LARGE1: variants seen among roughly 807,000 people sequenced by gnomAD.
LARGE1 encodes xylosyl- and glucuronyltransferase LARGE1.
A neutral mutation model predicts 87.6 loss-of-function variants in LARGE1; 43 were observed. That is an observed-to-expected ratio of 0.49 (90% CI 0.38 to 0.63). The LOEUF is 0.63. LARGE1 is among the 30% of genes least tolerant of loss of function. LARGE1 has a pLI of 0.00. For synonymous variants in LARGE1, 434 were observed against 394.6 expected (o/e 1.10, Z -1.18); for missense variants, 802 against 1,000.2 (o/e 0.80, Z 2.67).
intron 7 of LARGE1, among the ~76,000 whole-genome samples, chr22:33,415,815 G>C (rs1342322281): frequency 6.6e-6 from 1 of 152,180 alleles, no homozygotes; most frequent in Non-Finnish European, 1.5e-5. Context: ...AATCAAGAGG[G>C]AAGAGGATGG....
At chr22:33,729,922 G>T (rs907574898) in intron 2 of LARGE1, among the ~76,000 whole-genome samples, 1 of 152,196 alleles carries the variant, frequency 6.6e-6, no homozygotes, top group Non-Finnish European at 1.5e-5. Flanking sequence ...GAGTCTCATT[G>T]TTGGGGTATG....
chr22:33,547,534 G>A (rs371162905), intron 6 of LARGE1, among the ~76,000 whole-genome samples: 4 of 152,096 alleles, frequency 2.6e-5, no homozygotes, highest in African/African-American at 7.2e-5. Context: ...CATGGCTCAC[G>A]CCTGTAATCC....
chr22:33,454,146 C>T (rs1389453716), intron 6 of LARGE1, among the ~76,000 whole-genome samples: 1 of 152,142 alleles, frequency 6.6e-6, no homozygotes, highest in Non-Finnish European at 1.5e-5. Flanking sequence ...GGTCATGAAA[C>T]ATCTCAATTT....
At chr22:33,228,882 A>G (rs925147445) in intron 11 of LARGE1, among the ~76,000 whole-genome samples, 1 of 151,906 alleles carries the variant, frequency 6.6e-6, no homozygotes, top group Non-Finnish European at 1.5e-5. Flanking sequence ...GGAGAAAGAA[A>G]GAGAGAGAAA....
intron 6 of LARGE1, among the ~76,000 whole-genome samples, chr22:33,524,033 C>T (rs553965884): frequency 1.1e-4 from 17 of 152,218 alleles, no homozygotes; most frequent in Admixed American, 2.0e-4. Flanking sequence ...TGGTTCACGA[C>T]TGTAATCCCA....
At chr22:33,503,334 G>A (rs1337076809) in intron 6 of LARGE1, among the ~76,000 whole-genome samples, 1 of 147,624 alleles carries the variant, frequency 6.8e-6, no homozygotes, top group Admixed American at 6.8e-5. Flanking sequence ...TCGGCTCACT[G>A]CAACCTCCGC....
At chr22:33,763,046 G>C (rs139637155) in intron 1 of LARGE1, among the ~76,000 whole-genome samples, 345 of 152,310 alleles carry the variant, frequency 2.3e-3, no homozygotes, top group African/African-American at 8.1e-3. Flanking sequence ...CCGCCATGAA[G>C]GTGGTCTGGT....
At chr22:33,579,616 G>A (rs918290213) in intron 5 of LARGE1, among the ~76,000 whole-genome samples, 4 of 152,140 alleles carry the variant, frequency 2.6e-5, no homozygotes, top group Non-Finnish European at 5.9e-5. Flanking sequence ...AATTACATGG[G>A]CGCACTACTG....
intron 11 of LARGE1, among the ~76,000 whole-genome samples, chr22:33,171,944 AG>A (rs1250274756): frequency 6.6e-6 from 1 of 152,206 alleles, no homozygotes; most frequent in Admixed American, 6.5e-5. Context: ...GAAACACCAC[AG>A]GCACTCAATG....
intron 1 of LARGE1, among the ~76,000 whole-genome samples, chr22:33,883,444 G>T (rs964720851): frequency 2.0e-5 from 3 of 152,166 alleles, no homozygotes; most frequent in Non-Finnish European, 4.4e-5. Flanking sequence ...CTGAAGTACA[G>T]CCCTCCGCAG....
rs16992039 is a variant in LARGE1 at position 33,274,718 on chromosome 22, A to G, written c.2074-94T>C. On this transcript the variant is annotated intron_variant, in intron 14 of 14. Coordinates refer to ENST00000397394, the MANE Select transcript of LARGE1 (RefSeq NM_133642.5). ...GAATGATTGAATGGCTAGTGAATGAATGACTTGATAATGGCACCCACAAGC... is the reference window on the plus strand; with the variant it reads ...GAATGATTGAATGGCTAGTGAATGAGTGACTTGATAATGGCACCCACAAGC... 1,694 of 1,118,866 alleles carry G rather than the reference A, an allele frequency of 1.5e-3. 14 individuals are homozygous for G. Among genetic ancestry groups the G allele is most frequent in the African/African-American group, 0.011 (699 of 65,456 alleles). 69.3% of individuals were successfully genotyped at this position (1,118,866 alleles called of 1,614,324 possible).
At chr22:33,636,300 C>T (rs1269153240) in intron 3 of LARGE1, among the ~76,000 whole-genome samples, 1 of 152,130 alleles carries the variant, frequency 6.6e-6, no homozygotes, top group Non-Finnish European at 1.5e-5. Flanking sequence ...GAAGACTGGC[C>T]TGGTCCAAAA....
chr22:33,187,784 C>T (rs1225499780), intron 11 of LARGE1, among the ~76,000 whole-genome samples: 1 of 151,436 alleles, frequency 6.6e-6, no homozygotes, highest in Admixed American at 6.6e-5. Flanking sequence ...ATTAGCCGGG[C>T]ATGGTGGCGG....
the LARGE1 span, among the ~76,000 whole-genome samples, chr22:33,096,198 G>T: frequency 6.6e-6 from 1 of 152,042 alleles, no homozygotes; most frequent in East Asian, 1.9e-4. Flanking sequence ...GGTGGATCAC[G>T]TGAGGTCAGG....
chr22:33,232,288 G>A (rs2145659518), intron 11 of LARGE1, among the ~76,000 whole-genome samples: 1 of 152,338 alleles, frequency 6.6e-6, no homozygotes, highest in South Asian at 2.1e-4. Flanking sequence ...ATTTAGAAAA[G>A]CACAGGCCAA....
intron 11 of LARGE1, among the ~76,000 whole-genome samples, chr22:33,261,168 C>T (rs1927604760): frequency 6.6e-6 from 1 of 152,204 alleles, no homozygotes; most frequent in Non-Finnish European, 1.5e-5. Context: ...AGACACGGTC[C>T]TTTCTCTCAA....
chr22:33,556,776 G>A (rs1356390375), intron 6 of LARGE1, among the ~76,000 whole-genome samples: 4 of 151,972 alleles, frequency 2.6e-5, no homozygotes, highest in African/African-American at 9.7e-5. Context: ...GGGAGGCAGA[G>A]GTGGGCAGAT....
intron 2 of LARGE1, among the ~76,000 whole-genome samples, chr22:33,740,858 C>G (rs547553529): frequency 2.6e-5 from 4 of 152,204 alleles, no homozygotes; most frequent in Admixed American, 2.0e-4. Flanking sequence ...CACTCAAGCT[C>G]TGTGTGAATT....
chr22:33,292,378 A>G (rs1018871278), intron 12 of LARGE1, among the ~76,000 whole-genome samples: 4 of 152,154 alleles, frequency 2.6e-5, no homozygotes, highest in African/African-American at 4.8e-5. Flanking sequence ...AGCACAGTCA[A>G]ATTTAAACAG....
Sources: gnomAD v4.1 joint callset for allele counts (sites outside exome capture counted in the v4.1 genomes callset) on GRCh38, gnomAD v4.1.1 for gene constraint, MANE v1.5 for transcripts, NCBI Gene and HGNC (gene_info 2026-07-23, HGNC 2026-07-21) for gene names.